Variants in TACC2 observed in about 807,000 individuals in gnomAD.
TACC2 encodes the protein transforming acidic coiled-coil containing protein 2, also known as transforming acidic coiled-coil-containing protein 2.
TACC2 carries 137 observed loss-of-function variants against 227.3 expected under a neutral mutation model. The observed-to-expected ratio is 0.60, with a 90% confidence interval of 0.52 to 0.69. The LOEUF is 0.69. TACC2 is among the 30% of genes least tolerant of loss of function. The pLI is 0.00. For synonymous variants in TACC2, 1,523 were observed against 1,487.5 expected (o/e 1.02, Z -0.55); for missense variants, 3,470 against 3,694.4 (o/e 0.94, Z 1.57).
chr10:122,022,623 C>G (rs1261752616), intron 2 of TACC2: 1 of 152,202 alleles, frequency 6.6e-6, no homozygotes, highest in African/African-American at 2.4e-5. Flanking sequence ...CACATTTTTC[C>G]TAGGTTGTGT....
intron 1 of TACC2, among the ~76,000 whole-genome samples, chr10:122,015,779 G>C (rs576000292): frequency 8.0e-6 from 1 of 125,072 alleles, no homozygotes; most frequent in East Asian, 2.6e-4. Flanking sequence ...TTGAACCCGG[G>C]AGGGGGAGGT....
intron 1 of TACC2, among the ~76,000 whole-genome samples, chr10:122,003,648 A>T (rs1954688649): frequency 6.6e-6 from 1 of 151,296 alleles, no homozygotes; most frequent in African/African-American, 2.4e-5. Flanking sequence ...TCCAAAACTA[A>T]ACCACCTTTT....
At chr10:122,212,051 G>A (rs2095306615) in intron 9 of TACC2, among the ~76,000 whole-genome samples, 1 of 152,210 alleles carries the variant, frequency 6.6e-6, no homozygotes, top group Non-Finnish European at 1.5e-5. Flanking sequence ...TTAGAGATCT[G>A]GTTCATCTCC....
At chr10:122,028,742 C>A (rs1382185986) in intron 2 of TACC2, among the ~76,000 whole-genome samples, 8 of 125,780 alleles carry the variant, frequency 6.4e-5, no homozygotes, top group Non-Finnish European at 1.4e-4. Context: ...TTCCCCCTCC[C>A]CTCTCCTCCC....
At chr10:122,093,973 C>G (rs2081103858) in intron 5 of TACC2, among the ~76,000 whole-genome samples, 2 of 152,184 alleles carry the variant, frequency 1.3e-5, no homozygotes, top group African/African-American at 4.8e-5. Context: ...GTCTCCAGCC[C>G]TTCCACGTCT....
intron 8 of TACC2, among the ~76,000 whole-genome samples, chr10:122,202,013 C>CTTTTTTTTTTTT (rs767544440): frequency 9.8e-6 from 1 of 102,370 alleles, no homozygotes; most frequent in Non-Finnish European, 2.1e-5. Flanking sequence ...TCTTCTTTAG[C>CTTTTTTTTTTTT]TTTTTTTTTT....
rs1311575558 is a variant in TACC2, at chr10:122,088,573, G to A, written c.5555G>A (p.Gly1852Asp). 6.2e-7 allele frequency: 1 copy of A among 1,613,536 alleles called. No individual in the cohort carries two copies. Among genetic ancestry groups the A allele is most frequent in the Non-Finnish European group, 8.5e-7 (1 of 1,179,806 alleles). ...MDKVTSDETRGAEGTESSPVA... is the reference protein window; with the variant it reads ...MDKVTSDETRDAEGTESSPVA... ...AAAGTCACTTCAGATGAGACCAGAG[G>A]TGCGGAAGGAACAGAAAGGTCAGCG... Residue 1852 changes from glycine (G) to aspartate (D), a missense_variant, in exon 5 of 23, where the codon GGT becomes GAT. Physicochemically the swap from Gly to Asp is moderately conservative, Grantham distance 94. Coordinates refer to ENST00000369005, the MANE Select transcript of TACC2 (RefSeq NM_206862.4).
Position 122,122,491 on chromosome 10 carries a change from CT to C in TACC2, c.5574-10105del, listed in dbSNP as rs368366143. ...CTAAGTATTTTTTTAAAAATAATTC[CT>C]TTTTTTTTTTTTAATAGCTGAAGGC... On this transcript the variant is annotated intron_variant, in intron 5 of 22. Transcript: ENST00000369005. Among the ~76,000 whole-genome samples the C allele has an allele frequency of 5.0e-3, 747 of 148,304 alleles. 9 individuals are homozygous for C. The highest frequency in any genetic ancestry group is 0.017 in the African/African-American group (689 of 40,382).
At chr10:122,008,840 T>C (rs1339437035) in intron 1 of TACC2, among the ~76,000 whole-genome samples, 3 of 152,226 alleles carry the variant, frequency 2.0e-5, no homozygotes, top group African/African-American at 7.2e-5. Context: ...CCCAAAGTGC[T>C]GGGATAACAG....
chr10:122,026,626 A>G (rs1325433473), intron 2 of TACC2, among the ~76,000 whole-genome samples: 1 of 151,620 alleles, frequency 6.6e-6, no homozygotes, highest in African/African-American at 2.4e-5. Flanking sequence ...GACTCCACCT[A>G]CTCATCCCTC....
At chr10:122,187,309 C>T (rs374195056) in intron 7 of TACC2, among the ~76,000 whole-genome samples, 3 of 152,132 alleles carry the variant, frequency 2.0e-5, no homozygotes, top group East Asian at 3.9e-4. Context: ...TCAGCACTAC[C>T]CGGAGCTCGC....
intron 13 of TACC2, 121 bp downstream of exon 13, chr10:122,226,602 AT>A: frequency 2.2e-6 from 1 of 464,224 alleles, no homozygotes; most frequent in Non-Finnish European, 3.6e-6. Flanking sequence ...GACATGCCAC[AT>A]ATTTTTTTTT....
intron 3 of TACC2, among the ~76,000 whole-genome samples, chr10:122,064,672 A>T (rs1441997564): frequency 1.3e-5 from 2 of 152,222 alleles, no homozygotes; most frequent in Non-Finnish European, 2.9e-5. Flanking sequence ...TGACAAATGC[A>T]TAAGGTCATG....
intron 5 of TACC2, 147 bp downstream of exon 5, chr10:122,088,738 G>A: frequency 6.5e-7 from 1 of 1,540,296 alleles, no homozygotes; most frequent in Non-Finnish European, 8.7e-7. Context: ...TTTATGTACA[G>A]GTACAGCAGT....
intron 7 of TACC2, among the ~76,000 whole-genome samples, chr10:122,165,437 T>A (rs1386227185): frequency 6.6e-6 from 1 of 152,160 alleles, no homozygotes; most frequent in Non-Finnish European, 1.5e-5. Flanking sequence ...CATTGGAAAT[T>A]CAGCTCGCCG....
intron 3 of TACC2, among the ~76,000 whole-genome samples, chr10:122,075,200 A>AAGAAAGAAAG (rs1554997867): frequency 1.6e-5 from 2 of 122,336 alleles, no homozygotes; most frequent in African/African-American, 5.6e-5. Flanking sequence ...AAAAAAAAAA[A>AAGAAAGAAAG]AAAGAAAGAA....
intron 1 of TACC2, among the ~76,000 whole-genome samples, chr10:121,996,116 G>A (rs896599944): frequency 1.3e-5 from 2 of 152,034 alleles, no homozygotes; most frequent in African/African-American, 4.8e-5. Flanking sequence ...CCAAGCTGGA[G>A]TGCAGTGGTC....
At chr10:122,203,733 G>A (rs1346140830) in intron 8 of TACC2, among the ~76,000 whole-genome samples, 1 of 151,970 alleles carries the variant, frequency 6.6e-6, no homozygotes, top group African/African-American at 2.4e-5. Flanking sequence ...AGGCAGAGAC[G>A]CTCCTCACTT....
chr10:122,103,232 A>T (rs2082372003), intron 5 of TACC2, among the ~76,000 whole-genome samples: 1 of 152,200 alleles, frequency 6.6e-6, no homozygotes. Flanking sequence ...TATATAAGAA[A>T]TAACCCACAG....
Sources: gnomAD v4.1 joint callset for allele counts (sites outside exome capture counted in the v4.1 genomes callset) on GRCh38, gnomAD v4.1.1 for gene constraint, MANE v1.5 for transcripts, NCBI Gene and HGNC (gene_info 2026-07-23, HGNC 2026-07-21) for gene names.